The following ROBO2 variants were observed in gnomAD, a reference collection of about 807,000 sequenced individuals.
ROBO2 encodes roundabout homolog 2.
ROBO2 carries 53 observed loss-of-function variants against 160.8 expected under a neutral mutation model. The ratio of observed to expected loss-of-function variants is 0.33; its 90% CI spans 0.26 to 0.41. The LOEUF (loss-of-function observed/expected upper bound fraction) is 0.41. Ranked by LOEUF, ROBO2 falls within the 10% of genes least tolerant of loss-of-function variation. ROBO2 has a pLI of 1.00. For missense variants in ROBO2, 1,577 were observed against 1,722.4 expected (o/e 0.92, Z 1.49); for synonymous variants, 664 against 611.7 (o/e 1.09, Z -1.26).
At chr3:76,116,964 T>C (rs1233767796) in intron 2 of ROBO2, among the ~76,000 whole-genome samples, 2 of 152,152 alleles carry the variant, frequency 1.3e-5, no homozygotes, top group Non-Finnish European at 2.9e-5. Context: ...TATCCCAGTA[T>C]TCAAAAAACT....
At chr3:76,797,069 G>C (rs956145713) in intron 2 of ROBO2, among the ~76,000 whole-genome samples, 14 of 152,018 alleles carry the variant, frequency 9.2e-5, no homozygotes, top group African/African-American at 3.4e-4. Context: ...AAAAACATTG[G>C]ATCTAATCTG....
intron 2 of ROBO2, among the ~76,000 whole-genome samples, chr3:77,165,835 C>A (rs2079026827): frequency 6.6e-6 from 1 of 152,122 alleles, no homozygotes; most frequent in South Asian, 2.1e-4. Flanking sequence ...TATCTTCTGA[C>A]TCCATAGAGC....
chr3:77,250,694 A>C (rs7629776), intron 2 of ROBO2, among the ~76,000 whole-genome samples: 138,922 of 151,978 alleles, frequency 0.91, 64,442 homozygotes, highest in East Asian at 1. Context: ...GAGTTTGGAA[A>C]GAGGAGATGC....
chr3:77,173,415 C>G (rs993485133), intron 2 of ROBO2, among the ~76,000 whole-genome samples: 6 of 151,936 alleles, frequency 3.9e-5, no homozygotes, highest in African/African-American at 1.5e-4. Flanking sequence ...GTTTTAAAAG[C>G]AAGAAGTGAC....
chr3:77,333,580 G>A (rs2153444992), intron 2 of ROBO2, among the ~76,000 whole-genome samples: 1 of 152,322 alleles, frequency 6.6e-6, no homozygotes, highest in Admixed American at 6.5e-5. Flanking sequence ...CATTGCTCAT[G>A]TGACTCATGA....
At chr3:77,374,562 A>C (rs1044250832) in intron 2 of ROBO2, among the ~76,000 whole-genome samples, 4 of 151,954 alleles carry the variant, frequency 2.6e-5, no homozygotes, top group Non-Finnish European at 5.9e-5. Flanking sequence ...ATTACTGTTA[A>C]CTATAATTTA....
intron 2 of ROBO2, among the ~76,000 whole-genome samples, chr3:77,350,052 C>A (rs552853958): frequency 6.7e-6 from 1 of 149,948 alleles, no homozygotes. Flanking sequence ...TACGTCCCTG[C>A]GATTGGTACA....
chr3:76,118,615 G>A (rs892644969), intron 2 of ROBO2, among the ~76,000 whole-genome samples: 12 of 152,126 alleles, frequency 7.9e-5, no homozygotes, highest in Non-Finnish European at 1.5e-4. Context: ...GGCTCAGACA[G>A]ATATGTGACA....
At chr3:76,060,340 A>G (rs1487694329) in intron 2 of ROBO2, among the ~76,000 whole-genome samples, 2 of 152,258 alleles carry the variant, frequency 1.3e-5, no homozygotes, top group African/African-American at 4.8e-5. Flanking sequence ...TGTATTAATA[A>G]TCACATGTGG....
chr3:76,925,081 A>G (rs9851688), intron 2 of ROBO2, among the ~76,000 whole-genome samples: 68,620 of 149,144 alleles, frequency 0.46, 16,234 homozygotes, highest in African/African-American at 0.57. Flanking sequence ...AGTGGCGGGC[A>G]CCTGTAGTCC....
Position 75,908,842 on chromosome 3 carries a change from A to G in ROBO2, c.-14+1882A>G, listed in dbSNP as rs1559743013. ...TAAAAGTGGATTCACAGGGAGACTCAATTTTTACTAAGAATATTCTTGGGA... is the reference window on the plus strand; with the variant it reads ...TAAAAGTGGATTCACAGGGAGACTCGATTTTTACTAAGAATATTCTTGGGA... On this transcript the variant is annotated intron_variant, in intron 1 of 26. Coordinates refer to the ROBO2 transcript ENST00000487694. Among the ~76,000 whole-genome samples, 6 of 152,208 alleles carry G rather than the reference A, an allele frequency of 3.9e-5. No homozygotes were observed. The South Asian group carries it at 1.2e-3, about 31-fold the overall frequency.
At chr3:77,162,440 T>A (rs2078579648) in intron 2 of ROBO2, among the ~76,000 whole-genome samples, 2 of 152,212 alleles carry the variant, frequency 1.3e-5, no homozygotes. Flanking sequence ...GGAAAAGAAT[T>A]ACCGTTGTCT....
intron 21 of ROBO2, among the ~76,000 whole-genome samples, chr3:77,614,945 TCCTTTCTCTTCCTCCGGGCTTCC>T (rs2094736440): frequency 1.2e-4 from 18 of 152,162 alleles, no homozygotes; most frequent in Admixed American, 1.2e-3. Context: ...CTCTTCAAAT[TCCTTTCTCTTCCTCCGGGCTTCC>T]ACACGTGTTG....
chr3:77,214,151 G>A (rs1328926446), intron 2 of ROBO2, among the ~76,000 whole-genome samples: 1 of 152,004 alleles, frequency 6.6e-6, no homozygotes, highest in Non-Finnish European at 1.5e-5. Context: ...TTTCTGTCTC[G>A]TTTATCTGTC....
chr3:76,033,324 C>T (rs1023521122), intron 2 of ROBO2, among the ~76,000 whole-genome samples: 1 of 152,124 alleles, frequency 6.6e-6, no homozygotes, highest in East Asian at 1.9e-4. Context: ...AGACATATCA[C>T]CGACCAGGAT....
At chr3:77,274,714 C>T (rs924702702) in intron 2 of ROBO2, among the ~76,000 whole-genome samples, 25 of 152,022 alleles carry the variant, frequency 1.6e-4, no homozygotes, top group Non-Finnish European at 3.5e-4. Flanking sequence ...AAAACATTAT[C>T]GTATACTTTG....
chr3:76,841,819 C>G (rs1333984280), intron 2 of ROBO2, among the ~76,000 whole-genome samples: 1 of 152,128 alleles, frequency 6.6e-6, no homozygotes, highest in East Asian at 1.9e-4. Flanking sequence ...AAGTACTATT[C>G]AGTGCAAATT....
At chr3:77,474,487 C>T (rs2083742677) in intron 2 of ROBO2, among the ~76,000 whole-genome samples, 1 of 152,122 alleles carries the variant, frequency 6.6e-6, no homozygotes. Context: ...CTTTAAAACA[C>T]AACTGCTGCT....
chr3:77,074,877 A>G (rs2067798986), intron 1 of ROBO2, among the ~76,000 whole-genome samples: 2 of 152,206 alleles, frequency 1.3e-5, no homozygotes, highest in Non-Finnish European at 2.9e-5. Context: ...TTAAAATGCT[A>G]CATGTGGATG....
Sources: allele counts gnomAD v4.1 joint callset (sites outside exome capture counted in the v4.1 genomes callset), GRCh38; gene constraint gnomAD v4.1.1; transcripts MANE v1.5; gene names NCBI Gene and HGNC (gene_info 2026-07-23, HGNC 2026-07-21).